The following RFTN2 variants were observed in gnomAD, a reference collection of about 807,000 sequenced individuals.
RFTN2 encodes the protein raftlin-2.
Under a neutral mutation model 52.7 loss-of-function variants are expected in RFTN2, and 34 were observed. The observed-to-expected ratio is 0.64, with a 90% CI of 0.49 to 0.86. The LOEUF (loss-of-function observed/expected upper bound fraction) is 0.86. RFTN2 is among the 40% of genes least tolerant of loss of function. RFTN2 has a pLI of 0.00. For missense variants in RFTN2, 536 were observed against 600.1 expected (o/e 0.89, Z 1.12); for synonymous variants, 203 against 217.7 (o/e 0.93, Z 0.59).
In RFTN2 at chr2:197,631,055, C is replaced by G; in HGVS notation, c.884G>C (p.Gly295Ala). The G allele has an allele frequency of 6.2e-7, 1 of 1,612,704 alleles. No individual in the cohort carries two copies. Among genetic ancestry groups the G allele is most frequent in the Non-Finnish European group, 8.5e-7 (1 of 1,178,954 alleles). The stretch of plus-strand genomic sequence containing the variant: ...TACAAAAGAATCAATTAAAGACAAG[C>G]CTTGTTTATAATAAAAGGTAGTTAA... ...LELTTFYYKQ[G>A]LSLIDSFVFW... Residue 295 changes from glycine to alanine, a missense_variant, in exon 5 of 9, where the codon GGC becomes GCC. By Grantham distance (60) the Gly-to-Ala change is moderately conservative (BLOSUM62 0). Coordinates refer to ENST00000295049, the MANE Select transcript of RFTN2 (RefSeq NM_144629.3).
chr2:197,624,883 A>G (rs59341299), intron 5 of RFTN2, among the ~76,000 whole-genome samples: 66,610 of 151,862 alleles, frequency 0.44, 14,971 homozygotes, highest in Middle Eastern at 0.57. Context: ...TGGGAGGCGG[A>G]GGTTGCAGTG....
chr2:197,573,576 G>C (rs74563586), intron 8 of RFTN2, among the ~76,000 whole-genome samples: 1 of 152,170 alleles, frequency 6.6e-6, no homozygotes, highest in African/African-American at 2.4e-5. Flanking sequence ...GCAGACTGAT[G>C]ATACCATAGA....
chr2:197,604,378 T>C (rs914629954), intron 7 of RFTN2, among the ~76,000 whole-genome samples: 1 of 152,192 alleles, frequency 6.6e-6, no homozygotes, highest in Non-Finnish European at 1.5e-5. Context: ...AATGGACACA[T>C]ACATAGTAGA....
At chr2:197,663,954 C>T (rs1453288817) in intron 1 of RFTN2, among the ~76,000 whole-genome samples, 1 of 152,042 alleles carries the variant, frequency 6.6e-6, no homozygotes, top group African/African-American at 2.4e-5. Flanking sequence ...TACTTAGTAT[C>T]ACTTTTGTTG....
intron 8 of RFTN2, among the ~76,000 whole-genome samples, chr2:197,585,306 A>T (rs13414170): frequency 0.7 from 107,055 of 152,058 alleles, 38,350 homozygotes; most frequent in Middle Eastern, 0.85. Context: ...CTGTCTTCTG[A>T]CTAGTCATAC....
chr2:197,626,854 G>A (rs1164498133), intron 5 of RFTN2, among the ~76,000 whole-genome samples: 3 of 151,844 alleles, frequency 2.0e-5, no homozygotes, highest in African/African-American at 4.8e-5. Flanking sequence ...TCCTGACCTC[G>A]TAATCCGCCC....
At chr2:197,617,314 C>T (rs2088161063) in intron 6 of RFTN2, among the ~76,000 whole-genome samples, 1 of 152,144 alleles carries the variant, frequency 6.6e-6, no homozygotes, top group Non-Finnish European at 1.5e-5. Context: ...ATTTCTCTAT[C>T]TTGCAAAAAC....
chr2:197,584,486 G>C (rs1330252856), intron 8 of RFTN2, among the ~76,000 whole-genome samples: 1 of 152,078 alleles, frequency 6.6e-6, no homozygotes, highest in African/African-American at 2.4e-5. Flanking sequence ...ATTTGTTTGA[G>C]TTCATTGTAG....
chr2:197,626,402 A>G (rs1364660413), intron 5 of RFTN2, among the ~76,000 whole-genome samples: 5 of 151,788 alleles, frequency 3.3e-5, no homozygotes. Context: ...CATGTCTACA[A>G]AAAAATTTAA....
At chr2:197,642,987 A>C (rs1202550423) in intron 3 of RFTN2, among the ~76,000 whole-genome samples, 1 of 152,202 alleles carries the variant, frequency 6.6e-6, no homozygotes, top group Non-Finnish European at 1.5e-5. Context: ...AAAAAGACAA[A>C]ATGGGATTTA....
At chr2:197,657,645 C>T (rs893188496) in intron 1 of RFTN2, among the ~76,000 whole-genome samples, 1 of 149,556 alleles carries the variant, frequency 6.7e-6, no homozygotes, top group Non-Finnish European at 1.5e-5. Flanking sequence ...TAATTTTCCT[C>T]ATTTGTAGGG....
chr2:197,608,150 G>T (rs1392256030), intron 7 of RFTN2, among the ~76,000 whole-genome samples: 1 of 152,142 alleles, frequency 6.6e-6, no homozygotes, highest in African/African-American at 2.4e-5. Context: ...GATTGAGATT[G>T]GGACTCCACA....
chr2:197,583,796 G>A (rs967757041), intron 8 of RFTN2, among the ~76,000 whole-genome samples: 4 of 151,770 alleles, frequency 2.6e-5, no homozygotes, highest in African/African-American at 9.7e-5. Context: ...CCCCACGACA[G>A]GCCCCGGTGT....
intron 7 of RFTN2, among the ~76,000 whole-genome samples, chr2:197,608,790 A>C (rs570482962): frequency 6.7e-6 from 1 of 149,122 alleles, no homozygotes; most frequent in Non-Finnish European, 1.5e-5. Flanking sequence ...CCAGCTCCCC[A>C]CCCCACAACA....
chr2:197,635,480 A>C (rs1238567431), intron 3 of RFTN2, among the ~76,000 whole-genome samples: 1 of 152,074 alleles, frequency 6.6e-6, no homozygotes, highest in African/African-American at 2.4e-5. Flanking sequence ...CATTTCTCTG[A>C]TGGCCAGTGA....
intron 7 of RFTN2, among the ~76,000 whole-genome samples, chr2:197,599,945 G>C (rs1396446778): frequency 2.0e-5 from 3 of 152,118 alleles, no homozygotes; most frequent in African/African-American, 7.2e-5. Context: ...TGCAACCTCT[G>C]CCTTTCGGGT....
At chr2:197,653,422 C>T (rs2106259180) in intron 1 of RFTN2, among the ~76,000 whole-genome samples, 1 of 152,216 alleles carries the variant, frequency 6.6e-6, no homozygotes, top group Middle Eastern at 3.4e-3. Context: ...ACAGAAGAGG[C>T]TGGCAGGTAG....
At chr2:197,588,421 C>T (rs1269660692) in intron 8 of RFTN2, among the ~76,000 whole-genome samples, 1 of 152,198 alleles carries the variant, frequency 6.6e-6, no homozygotes, top group East Asian at 1.9e-4. Flanking sequence ...TCCCAAGTTG[C>T]CCCAGTTGGT....
chr2:197,634,050 T>TAAAG, intron 3 of RFTN2, 53 bp from the exon 4 acceptor site: 1 of 1,458,512 alleles, frequency 6.9e-7, no homozygotes, highest in Non-Finnish European at 9.3e-7. Flanking sequence ...TTTTCATTGA[T>TAAAG]TACTTTATCA....
Sources: allele counts gnomAD v4.1 joint callset (sites outside exome capture counted in the v4.1 genomes callset), GRCh38; gene constraint gnomAD v4.1.1; transcripts MANE v1.5; gene names NCBI Gene and HGNC (gene_info 2026-07-23, HGNC 2026-07-21).